ARL15: variants seen among roughly 807,000 people sequenced by gnomAD.
ARL15 encodes the protein ARF like GTPase 15.
In ARL15, 19 loss-of-function variants were observed where a neutral mutation model predicts 25.2. That is an observed-to-expected ratio of 0.75 (90% CI 0.53 to 1.10). The LOEUF (loss-of-function observed/expected upper bound fraction) is 1.10. ARL15 is among the 50% of genes least tolerant of loss of function. The pLI is 0.00. For synonymous variants in ARL15, 94 were observed against 86.8 expected (o/e 1.08, Z -0.46); for missense variants, 220 against 246.0 (o/e 0.89, Z 0.71).
rs190002135 is a variant in ARL15 at position 54,310,390 on chromosome 5, C to A, written c.48+42G>T. The A allele has an allele frequency of 2.5e-4, 401 of 1,592,726 alleles. 3 individuals are homozygous for A. The African/African-American group carries it at 5.1e-3, about 20-fold the overall frequency. ...CAAGGCAGGGGGCCATCGGGCACGCCGAGATCCGAGAGGCGACATGCCACC... is the reference window on the plus strand; with the variant it reads ...CAAGGCAGGGGGCCATCGGGCACGCAGAGATCCGAGAGGCGACATGCCACC... On this transcript the variant is annotated intron_variant, in intron 1 of 4. Transcript: ENST00000504924.
At chr5:53,959,416 A>T (rs758481369) in intron 4 of ARL15, among the ~76,000 whole-genome samples, 1 of 152,182 alleles carries the variant, frequency 6.6e-6, no homozygotes, top group Non-Finnish European at 1.5e-5. Context: ...TAAAATAAAC[A>T]TAAAATCCTT....
At chr5:53,939,939 C>A (rs914001446) in intron 4 of ARL15, among the ~76,000 whole-genome samples, 1 of 146,050 alleles carries the variant, frequency 6.8e-6, no homozygotes, top group Non-Finnish European at 1.5e-5. Flanking sequence ...ACAACAACAA[C>A]AAACAACTTT....
intron 4 of ARL15, among the ~76,000 whole-genome samples, chr5:54,071,993 A>G (rs372595140): frequency 1.5e-4 from 20 of 135,824 alleles, no homozygotes; most frequent in Non-Finnish European, 3.4e-4. Context: ...AAAAAAAAAA[A>G]AAGAAAAAAA....
intron 4 of ARL15, among the ~76,000 whole-genome samples, chr5:54,014,095 T>C (rs1358178120): frequency 6.6e-6 from 1 of 152,202 alleles, no homozygotes; most frequent in African/African-American, 2.4e-5. Flanking sequence ...TCAAAGATCA[T>C]GCTTAAAGTT....
At chr5:54,036,927 T>C (rs1318357733) in intron 4 of ARL15, among the ~76,000 whole-genome samples, 1 of 152,114 alleles carries the variant, frequency 6.6e-6, no homozygotes, top group Non-Finnish European at 1.5e-5. Context: ...ATGATTTTAT[T>C]TTTAAATGGT....
chr5:54,087,122 G>A (rs950655378), intron 4 of ARL15, among the ~76,000 whole-genome samples: 8 of 152,252 alleles, frequency 5.3e-5, no homozygotes, highest in African/African-American at 1.9e-4. Flanking sequence ...GGATCACGAG[G>A]TCAGGGGATC....
chr5:53,947,549 A>T (rs1245491019), intron 4 of ARL15, among the ~76,000 whole-genome samples: 3 of 152,186 alleles, frequency 2.0e-5, no homozygotes, highest in African/African-American at 7.2e-5. Flanking sequence ...AGGGCATTTA[A>T]TACAATTACT....
chr5:54,289,519 AAC>A lies in ARL15; in HGVS notation c.48+20911_48+20912del, dbSNP rs1426629943. On this transcript the variant is annotated intron_variant, in intron 1 of 4. Coordinates refer to ENST00000504924, the MANE Select transcript of ARL15 (RefSeq NM_019087.3). ...GCTTCCCAAACCCCTTGCATAGGCA[AAC>A]ACAGTATTTCTACCGTAAAAAGTCA... is the stretch of plus-strand genomic sequence containing the variant. 2.0e-5 allele frequency among the ~76,000 whole-genome samples: 3 copies of A among 152,268 alleles called. No individual in the cohort carries two copies. In the South Asian group the frequency reaches 6.2e-4, roughly 31 times the overall value.
intron 4 of ARL15, among the ~76,000 whole-genome samples, chr5:53,907,480 A>ATG (rs1561143847): frequency 3.2e-5 from 1 of 30,798 alleles, no homozygotes; most frequent in Admixed American, 4.1e-4. Context: ...ATATATATAT[A>ATG]TATATATATT....
At chr5:54,079,043 T>C (rs1267294577) in intron 4 of ARL15, among the ~76,000 whole-genome samples, 3 of 152,146 alleles carry the variant, frequency 2.0e-5, no homozygotes, top group Non-Finnish European at 4.4e-5. Context: ...TTTTAAAAAG[T>C]AAACGATATT....
At chr5:54,018,510 T>G (rs1465772217) in intron 4 of ARL15, among the ~76,000 whole-genome samples, 3 of 152,246 alleles carry the variant, frequency 2.0e-5, no homozygotes, top group Non-Finnish European at 1.5e-5. Context: ...GTCAAAGACC[T>G]TCTGCCCAAA....
intron 4 of ARL15, among the ~76,000 whole-genome samples, chr5:54,026,692 T>C (rs940711137): frequency 6.6e-5 from 10 of 152,182 alleles, no homozygotes; most frequent in African/African-American, 9.6e-5. Context: ...ACAGGAGACA[T>C]GGGTAGAGCT....
chr5:54,126,935 G>A lies in ARL15; in HGVS notation c.254-13525C>T, dbSNP rs181547246. Among the ~76,000 whole-genome samples the A allele has an allele frequency of 5.5e-3, 834 of 151,950 alleles. 6 individuals carry two copies. The highest frequency in any genetic ancestry group is 0.019 in the African/African-American group (799 of 41,406). ...TACATATGTATACATGTGCCATGCT[G>A]GTGTGCTACACCCATTAACTCATCA... On this transcript the variant is annotated intron_variant, in intron 3 of 4. Transcript: ENST00000504924.
intron 4 of ARL15, among the ~76,000 whole-genome samples, chr5:54,062,125 T>C (rs1420348073): frequency 3.3e-5 from 5 of 152,194 alleles, no homozygotes; most frequent in Non-Finnish European, 7.3e-5. Flanking sequence ...ATTTCTCCCA[T>C]TTGGAATGGT....
At chr5:54,191,775 G>A (rs1755408729) in intron 1 of ARL15, among the ~76,000 whole-genome samples, 1 of 152,012 alleles carries the variant, frequency 6.6e-6, no homozygotes, top group Non-Finnish European at 1.5e-5. Context: ...GCCTCACACT[G>A]GCTCCCTGCT....
intron 4 of ARL15, among the ~76,000 whole-genome samples, chr5:53,974,766 G>C (rs968390694): frequency 3.9e-5 from 6 of 152,180 alleles, no homozygotes; most frequent in South Asian, 4.1e-4. Context: ...CACAGAATTT[G>C]AGGCAACTCT....
At chr5:54,182,344 TC>T (rs1246747688) in intron 1 of ARL15, among the ~76,000 whole-genome samples, 1 of 121,270 alleles carries the variant, frequency 8.2e-6, no homozygotes, top group African/African-American at 3.2e-5. Context: ...AAGGAAGGGA[TC>T]CAGTTTCAGC....
rs542177520 is a variant in ARL15, at chr5:54,284,550, T to C, written c.48+25882A>G. Among the ~76,000 whole-genome samples the C allele has an allele frequency of 3.2e-3, 489 of 152,382 alleles. 1 individual carries two copies. Among genetic ancestry groups the C allele is most frequent in the Non-Finnish European group, 5.7e-3 (387 of 68,040 alleles). On this transcript the variant is annotated intron_variant, in intron 1 of 4. Coordinates refer to ENST00000504924, the MANE Select transcript of ARL15 (RefSeq NM_019087.3). ...ACCTATCATGAGAGAATTAACTCTTTTTATGAGCTTTATCTTTTAAGGAGG... is the reference window on the plus strand; with the variant it reads ...ACCTATCATGAGAGAATTAACTCTTCTTATGAGCTTTATCTTTTAAGGAGG...
intron 3 of ARL15, among the ~76,000 whole-genome samples, chr5:54,120,276 T>C (rs1753032168): frequency 6.6e-6 from 1 of 152,202 alleles, no homozygotes; most frequent in South Asian, 2.1e-4. Context: ...GAATCTCTCA[T>C]TCAGCATCTG....
Sources: allele counts gnomAD v4.1 joint callset (sites outside exome capture counted in the v4.1 genomes callset), GRCh38; gene constraint gnomAD v4.1.1; transcripts MANE v1.5; gene names NCBI Gene and HGNC (gene_info 2026-07-23, HGNC 2026-07-21).